The following RYR2 variants were observed in gnomAD, a reference collection of about 807,000 sequenced individuals.
RYR2 encodes the protein cardiac muscle ryanodine receptor-calcium release channel.
A neutral mutation model predicts 601.1 loss-of-function variants in RYR2; 227 were observed. The observed-to-expected ratio is 0.38, with a 90% CI of 0.34 to 0.42. RYR2 has a LOEUF of 0.42. Among genes scored for constraint, RYR2 ranks in the 10% least tolerant of loss-of-function variants. RYR2 has a pLI of 1.00. For missense variants in RYR2, 4,646 were observed against 6,156.5 expected (o/e 0.75, Z 8.21); for synonymous variants, 2,223 against 2,175.1 (o/e 1.02, Z -0.61).
chr1:237,445,328 A>T, intron 13 of RYR2, 73 bp from the exon 14 acceptor site: 1 of 1,585,034 alleles, frequency 6.3e-7, no homozygotes, highest in East Asian at 2.2e-5. Flanking sequence ...CAGCTGTTTG[A>T]GTACACATCT....
chr1:237,356,974 T>C (rs1390641587), intron 4 of RYR2, among the ~76,000 whole-genome samples: 1 of 152,208 alleles, frequency 6.6e-6, no homozygotes, highest in Non-Finnish European at 1.5e-5. Context: ...ACTTTCTTGA[T>C]GCAATATTTT....
chr1:237,507,661 A>C (rs1309154308), intron 23 of RYR2, among the ~76,000 whole-genome samples: 1 of 152,218 alleles, frequency 6.6e-6, no homozygotes, highest in Admixed American at 6.5e-5. Flanking sequence ...CATACAGATT[A>C]TTAGGTCAAA....
intron 3 of RYR2, among the ~76,000 whole-genome samples, chr1:237,331,467 G>A (rs1558635913): frequency 6.6e-6 from 1 of 151,868 alleles, no homozygotes; most frequent in Non-Finnish European, 1.5e-5. Context: ...TTGTAATTTT[G>A]CAAACAGCTA....
chr1:237,738,631 G>A (rs933094649), intron 79 of RYR2, among the ~76,000 whole-genome samples: 2 of 152,070 alleles, frequency 1.3e-5, no homozygotes, highest in African/African-American at 4.8e-5. Flanking sequence ...TCTACTTATT[G>A]AATTAATAGT....
In RYR2 at chr1:237,717,918, A is replaced by T. The variant is rs187152612; in HGVS notation, c.10495-544A>T. On this transcript the variant is annotated intron_variant, in intron 72 of 104. Coordinates refer to ENST00000366574, the MANE Select transcript of RYR2 (RefSeq NM_001035.3). ...GGAATTTCTATTTTATATTTATGTA[A>T]ATTGGAGGACATATTCTCCATTCCA... 5.3e-3 allele frequency among the ~76,000 whole-genome samples: 805 copies of T among 152,292 alleles called. 4 individuals carry two copies. Among genetic ancestry groups the T allele is most frequent in the Non-Finnish European group, 7.9e-3 (534 of 68,022 alleles).
intron 4 of RYR2, among the ~76,000 whole-genome samples, chr1:237,358,194 T>C (rs1390697252): frequency 6.6e-6 from 1 of 152,146 alleles, no homozygotes; most frequent in Non-Finnish European, 1.5e-5. Flanking sequence ...AAGAGTGAAA[T>C]ACCCCACAGA....
rs111351988 is a variant in RYR2, at chr1:237,798,867, G to C, written c.14090+697G>C. Among the ~76,000 whole-genome samples, 1,492 of 151,960 alleles carry C rather than the reference G, an allele frequency of 9.8e-3. 25 individuals carry two copies. The highest frequency in any genetic ancestry group is 0.034 in the African/African-American group (1,403 of 41,460). ...GCAAATTTGATCAACTGAATCTCTG[G>C]AATAAAAGTAAAACATGCTTTTAAA... is the stretch of plus-strand genomic sequence containing the variant. On this transcript the variant is annotated intron_variant, in intron 97 of 104. Coordinates refer to ENST00000366574, the MANE Select transcript of RYR2 (RefSeq NM_001035.3).
chr1:237,631,863 C>T (rs192287844), intron 42 of RYR2, among the ~76,000 whole-genome samples: 39 of 76,026 alleles, frequency 5.1e-4, no homozygotes, highest in Non-Finnish European at 8.6e-4. Context: ...CTCCTGACCT[C>T]GTGATCCGCC....
At chr1:237,383,491 A>G (rs137973365) in intron 8 of RYR2, among the ~76,000 whole-genome samples, 1,432 of 122,538 alleles carry the variant, frequency 0.012, 17 homozygotes, top group Non-Finnish European at 0.013. Flanking sequence ...GTACAGGGGC[A>G]CGATCTCGGC....
At chr1:237,697,846 G>A (rs1687629025) in intron 63 of RYR2, among the ~76,000 whole-genome samples, 1 of 151,908 alleles carries the variant, frequency 6.6e-6, no homozygotes, top group Admixed American at 6.6e-5. Context: ...TTATTACCAG[G>A]AATTCTGAGA....
At chr1:237,806,816 C>T (rs924596174) in intron 99 of RYR2, among the ~76,000 whole-genome samples, 3 of 152,156 alleles carry the variant, frequency 2.0e-5, no homozygotes, top group African/African-American at 4.8e-5. Flanking sequence ...CATGCTGACT[C>T]GGAAGAAAAC....
chr1:237,210,277 G>A (rs542128289), intron 1 of RYR2, among the ~76,000 whole-genome samples: 159 of 152,072 alleles, frequency 1.0e-3, no homozygotes, highest in African/African-American at 3.7e-3. Context: ...TTTCTCTTCC[G>A]ATAATTTTGG....
intron 8 of RYR2, among the ~76,000 whole-genome samples, chr1:237,378,949 A>C (rs866247161): frequency 2.6e-5 from 4 of 152,182 alleles, no homozygotes; most frequent in African/African-American, 9.7e-5. Flanking sequence ...GCATTTTTCT[A>C]CTTTTGTCCC....
At chr1:237,107,535 A>AAAAAAAAAAAAG (rs1395015156) in intron 1 of RYR2, among the ~76,000 whole-genome samples, 2 of 149,810 alleles carry the variant, frequency 1.3e-5, no homozygotes, top group African/African-American at 4.9e-5. Context: ...AAAAAAAAAA[A>AAAAAAAAAAAAG]AGGAAACATT....
intron 1 of RYR2, among the ~76,000 whole-genome samples, chr1:237,079,834 CA>C (rs1405568173): frequency 7.5e-6 from 1 of 133,984 alleles, no homozygotes; most frequent in Non-Finnish European, 1.5e-5. Flanking sequence ...AATCCTAAGC[CA>C]AAAGAACAAA....
chr1:237,257,015 G>C (rs1344008927), intron 1 of RYR2, among the ~76,000 whole-genome samples: 3 of 152,106 alleles, frequency 2.0e-5, no homozygotes, highest in Non-Finnish European at 4.4e-5. Context: ...ATGTGGTTTT[G>C]TTGTCATTGA....
intron 25 of RYR2, among the ~76,000 whole-genome samples, chr1:237,533,867 C>T (rs1191174511): frequency 3.3e-5 from 5 of 152,042 alleles, no homozygotes; most frequent in African/African-American, 1.2e-4. Context: ...TTGTTAACTT[C>T]GTGGTGGATT....
intron 36 of RYR2, among the ~76,000 whole-genome samples, chr1:237,612,287 C>T (rs1325990625): frequency 6.6e-6 from 1 of 152,078 alleles, no homozygotes; most frequent in Non-Finnish European, 1.5e-5. Flanking sequence ...AGGAGCGGAA[C>T]AGGACTGCTA....
intron 33 of RYR2, 122 bp from the exon 34 acceptor site, chr1:237,595,376 C>A: frequency 8.8e-7 from 1 of 1,134,874 alleles, no homozygotes; most frequent in Non-Finnish European, 1.2e-6. Flanking sequence ...CTATTGTGCA[C>A]CTCTCCCATT....
Sources: gnomAD v4.1 joint callset for allele counts (sites outside exome capture counted in the v4.1 genomes callset) on GRCh38, gnomAD v4.1.1 for gene constraint, MANE v1.5 for transcripts, NCBI Gene and HGNC (gene_info 2026-07-23, HGNC 2026-07-21) for gene names.